KCNC4: variants seen among roughly 807,000 people sequenced by gnomAD.
KCNC4 encodes voltage-gated potassium channel KCNC4.
A neutral mutation model predicts 42.8 loss-of-function variants in KCNC4; 23 were observed. The observed-to-expected ratio is 0.54, with a 90% CI of 0.39 to 0.76. The LOEUF (loss-of-function observed/expected upper bound fraction) is 0.76. Among genes scored for constraint, KCNC4 ranks in the 30% least tolerant of loss-of-function variants. KCNC4 has a pLI of 0.00. For synonymous variants in KCNC4, 422 were observed against 393.5 expected (o/e 1.07, Z -0.86); for missense variants, 751 against 898.2 (o/e 0.84, Z 2.10).
chr1:110,226,623 C>A (rs983178459), intron 3 of KCNC4, among the ~76,000 whole-genome samples: 3 of 152,170 alleles, frequency 2.0e-5, no homozygotes, highest in Admixed American at 1.3e-4. Flanking sequence ...GTCAGGGAGC[C>A]CCACACAGGC....
chr1:110,265,681 T>C (rs1402527119), intron 1 of KCNC4, among the ~76,000 whole-genome samples: 1 of 152,186 alleles, frequency 6.6e-6, no homozygotes, highest in Non-Finnish European at 1.5e-5. Context: ...AGGGAGCCTG[T>C]TCTGGGGCCC....
intron 3 of KCNC4, among the ~76,000 whole-genome samples, chr1:110,226,715 G>C (rs1487077131): frequency 6.6e-6 from 1 of 152,240 alleles, no homozygotes; most frequent in Non-Finnish European, 1.5e-5. Context: ...GAGGGTGACT[G>C]TCCTCTTGAG....
chr1:110,218,413 G>T (rs183088571), intron 1 of KCNC4, among the ~76,000 whole-genome samples: 3 of 152,164 alleles, frequency 2.0e-5, no homozygotes, highest in Non-Finnish European at 4.4e-5. Context: ...GGCTGTTCAG[G>T]TGTCACCTTG....
chr1:110,268,572 C>CTCCA (rs1659584047), intron 1 of KCNC4, among the ~76,000 whole-genome samples: 1 of 136,366 alleles, frequency 7.3e-6, no homozygotes, highest in Non-Finnish European at 1.5e-5. Context: ...CGCCACTGCA[C>CTCCA]TCCAGCCTGG....
intron 3 of KCNC4, chr1:110,232,311 G>A: frequency 6.2e-7 from 1 of 1,612,966 alleles, no homozygotes; most frequent in Non-Finnish European, 8.5e-7. Flanking sequence ...CCACATTGAG[G>A]AAGGGGGCTG....
At chr1:110,262,872 G>A (rs529039482) in intron 1 of KCNC4, among the ~76,000 whole-genome samples, 14 of 152,122 alleles carry the variant, frequency 9.2e-5, no homozygotes, top group Non-Finnish European at 1.6e-4. Flanking sequence ...AGCATTTGTC[G>A]TGATGAGGAC....
chr1:110,275,478 C>T (rs1015601097), intron 1 of KCNC4, among the ~76,000 whole-genome samples: 1 of 152,134 alleles, frequency 6.6e-6, no homozygotes, highest in African/African-American at 2.4e-5. Context: ...AAAAATAGAA[C>T]TACCATTTGA....
At chr1:110,235,449 G>A (rs1017587975), downstream of KCNC4, 3 of 152,252 alleles carry the variant, frequency 2.0e-5, no homozygotes, top group African/African-American at 4.8e-5. Context: ...CAGGGCCCAC[G>A]GCCAAAGTGG....
chr1:110,268,467 G>A (rs1007021850), intron 1 of KCNC4, among the ~76,000 whole-genome samples: 2 of 151,874 alleles, frequency 1.3e-5, no homozygotes, highest in Non-Finnish European at 2.9e-5. Context: ...TTAGCCAGGC[G>A]TGGTGGCGGG....
At chr1:110,246,766 C>CTTTTTTTTTTTTTTTTTTT (rs61165830) in exon 4 of KCNC4, 2 of 139,376 alleles carry the variant, frequency 1.4e-5, no homozygotes, top group Non-Finnish European at 3.1e-5. Flanking sequence ...TTTTTCTTTT[C>CTTTTTTTTTTTTTTTTTTT]TTTTTTTTTT....
At chr1:110,278,232 C>T (rs1290639864) in intron 1 of KCNC4, among the ~76,000 whole-genome samples, 1 of 152,046 alleles carries the variant, frequency 6.6e-6, no homozygotes, top group Non-Finnish European at 1.5e-5. Context: ...GGGAGAGTCA[C>T]CAAAGAACAT....
In KCNC4 at chr1:110,232,105, G is replaced by A. The variant is rs1658720668; in HGVS notation, c.1820-806G>A. The A allele has an allele frequency of 1.6e-5, 15 of 939,180 alleles. No individual in the cohort carries two copies. The South Asian group carries it at 2.0e-4, about 13-fold the overall frequency. The allele number at this position is 939,180 out of a possible 1,614,324, so 58.2% of individuals were successfully genotyped here. A position where few individuals can be genotyped will look rare whatever the true frequency, so the allele number is the denominator to read the frequency against. ...CTGTGCTCCCACTGGTAAGGTAGGG[G>A]AAGGAAAGGCCCAGGTGGTAGACAT... On this transcript the variant is annotated intron_variant, in intron 3 of 3. Transcript: ENST00000438661.
chr1:110,251,430 C>A (rs924615705), downstream of KCNC4, among the ~76,000 whole-genome samples: 1 of 152,168 alleles, frequency 6.6e-6, no homozygotes, highest in African/African-American at 2.4e-5. Flanking sequence ...TCTTGCCTGC[C>A]GCCATGTAAG....
intron 2 of KCNC4, chr1:110,224,259 TATC>T (rs1557859331): frequency 4.3e-6 from 1 of 230,388 alleles, no homozygotes; most frequent in Non-Finnish European, 8.5e-6. Context: ...ATGGGAATAA[TATC>T]ATATCCTACC....
In KCNC4 at chr1:110,255,718, A is replaced by G. The variant is rs559691638; in HGVS notation, n.31-26816A>G. 1.1e-4 allele frequency among the ~76,000 whole-genome samples: 16 copies of G among 152,308 alleles called. No individual in the cohort carries two copies. The South Asian group carries it at 1.7e-3, about 16-fold the overall frequency. On this transcript the variant is annotated intron_variant and non_coding_transcript_variant, in intron 1 of 2. Transcript: ENST00000412512. ...ACAGCACAGGTGGAGCTCTGGGCCAATGGGGATCAAGAAGCTTCTCAGATG... is the reference window on the plus strand; with the variant it reads ...ACAGCACAGGTGGAGCTCTGGGCCAGTGGGGATCAAGAAGCTTCTCAGATG...
intron 1 of KCNC4, among the ~76,000 whole-genome samples, chr1:110,212,399 C>T (rs1657529661): frequency 6.6e-6 from 1 of 152,196 alleles, no homozygotes; most frequent in Non-Finnish European, 1.5e-5. Flanking sequence ...ACTTGACTTA[C>T]TACTTGGACC....
Position 110,262,876 on chromosome 1 carries a change from T to A in KCNC4, n.31-19658T>A, listed in dbSNP as rs527598216. ...GACTGATAATAAGCATTTGTCGTGATGAGGACGTCCTGTCTTTCCCGCCTG... is the reference window on the plus strand; with the variant it reads ...GACTGATAATAAGCATTTGTCGTGAAGAGGACGTCCTGTCTTTCCCGCCTG... On this transcript the variant is annotated intron_variant and non_coding_transcript_variant, in intron 1 of 2. Transcript: ENST00000412512. 3.3e-5 allele frequency among the ~76,000 whole-genome samples: 5 copies of A among 152,332 alleles called. No individual in the cohort carries two copies. In the East Asian group the frequency reaches 5.8e-4, roughly 18 times the overall value.
At chr1:110,264,754 C>T (rs1659508563) in intron 1 of KCNC4, among the ~76,000 whole-genome samples, 1 of 152,086 alleles carries the variant, frequency 6.6e-6, no homozygotes, top group African/African-American at 2.4e-5. Context: ...AAGAGGGATC[C>T]CTACTCGTCT....
Position 110,223,477 on chromosome 1 carries a change from A to G in KCNC4, c.1192A>G (p.Met398Val). The G allele has an allele frequency of 6.2e-7, 1 of 1,613,886 alleles. No homozygotes were observed. The highest frequency in any genetic ancestry group is 8.5e-7 in the Non-Finnish European group (1 of 1,180,020). Reference sequence around the variant, plus strand: ...CCTGGGTGTGCTCATCTTTGCCACCATGATCTACTACGCTGAGCGCATTGG... The same window carrying G: ...CCTGGGTGTGCTCATCTTTGCCACCGTGATCTACTACGCTGAGCGCATTGG... Reference protein sequence around the residue: ...LALGVLIFATMIYYAERIGAR... With the variant: ...LALGVLIFATVIYYAERIGAR... The change falls in exon 2 of 4, where the codon ATG becomes GTG. Residue 398 changes from methionine (M) to valine (V), a missense_variant. Met to Val is a conservative substitution (Grantham distance 21). Around this residue, in one of 4 missense-constraint regions of KCNC4, gnomAD observed 185 missense variants for 293.7 expected, o/e 0.63. Transcript: ENST00000438661. The surrounding 1 kb of genome is among the most constrained non-coding windows in gnomAD (Gnocchi z 7.5).
Sources: gnomAD v4.1 joint callset for allele counts (sites outside exome capture counted in the v4.1 genomes callset) on GRCh38, gnomAD v4.1.1 for gene constraint, gnomAD v4.1.1 regional missense constraint, Gnocchi (gnomAD v3.1) non-coding constraint, MANE v1.5 for transcripts, NCBI Gene and HGNC (gene_info 2026-07-23, HGNC 2026-07-21) for gene names.